Variants in SAMD4A observed in about 807,000 individuals in gnomAD.
The protein encoded by SAMD4A is sterile alpha motif domain containing 4A.
Under a neutral mutation model 81.3 loss-of-function variants are expected in SAMD4A, and 33 were observed. The ratio of observed to expected loss-of-function variants is 0.41; its 90% CI spans 0.31 to 0.54. The LOEUF (loss-of-function observed/expected upper bound fraction) is 0.54, where lower values mean the gene tolerates loss of function less well. Ranked by LOEUF, SAMD4A falls within the 20% of genes least tolerant of loss-of-function variation. The probability of loss-of-function intolerance (pLI) is 0.37; values close to 1 mark genes in which losing one functional copy is unlikely to be tolerated. For missense variants in SAMD4A, 854 were observed against 951.1 expected (o/e 0.90, Z 1.34); for synonymous variants, 389 against 382.1 (o/e 1.02, Z -0.21).
chr14:54,712,737 C>A (rs891117541), intron 3 of SAMD4A, among the ~76,000 whole-genome samples: 1 of 152,174 alleles, frequency 6.6e-6, no homozygotes, highest in African/African-American at 2.4e-5. Context: ...AAGCCAGAGA[C>A]CTCCATGGGC....
At chr14:54,601,358 T>C (rs1207074422) in intron 2 of SAMD4A, among the ~76,000 whole-genome samples, 3 of 152,184 alleles carry the variant, frequency 2.0e-5, no homozygotes, top group African/African-American at 7.2e-5. Context: ...TTTAAATCCA[T>C]TATGGAAGTA....
At chr14:54,736,930 TG>T in intron 3 of SAMD4A, 93 bp from the exon 4 acceptor site, 1 of 1,375,096 alleles carries the variant, frequency 7.3e-7, no homozygotes, top group Non-Finnish European at 1.0e-6. Flanking sequence ...AGACAGTTAG[TG>T]GTATCTCTCA....
At chr14:54,742,304 C>A (rs1048830677) in intron 4 of SAMD4A, among the ~76,000 whole-genome samples, 2 of 151,872 alleles carry the variant, frequency 1.3e-5, no homozygotes, top group African/African-American at 4.8e-5. Flanking sequence ...GCCATGGTGT[C>A]ATCTAAGGCA....
chr14:54,585,192 C>G (rs1012348612), intron 2 of SAMD4A, among the ~76,000 whole-genome samples: 1 of 152,154 alleles, frequency 6.6e-6, no homozygotes, highest in Non-Finnish European at 1.5e-5. Context: ...ATCATAAACT[C>G]TTTTATGACA....
intron 2 of SAMD4A, among the ~76,000 whole-genome samples, chr14:54,607,976 A>G (rs1425624222): frequency 6.7e-6 from 1 of 149,654 alleles, no homozygotes; most frequent in Non-Finnish European, 1.5e-5. Context: ...AGGTCACACC[A>G]GTACACTCCA....
chr14:54,626,327 A>C (rs1269944199), intron 2 of SAMD4A, among the ~76,000 whole-genome samples: 1 of 152,148 alleles, frequency 6.6e-6, no homozygotes, highest in Non-Finnish European at 1.5e-5. Context: ...CTAAATTGTC[A>C]ATTGAGATGG....
intron 6 of SAMD4A, among the ~76,000 whole-genome samples, chr14:54,752,129 C>G (rs1248728117): frequency 6.6e-6 from 1 of 152,204 alleles, no homozygotes. Flanking sequence ...CTCAAAAATG[C>G]TAAATGCTGA....
intron 7 of SAMD4A, among the ~76,000 whole-genome samples, chr14:54,763,047 G>A (rs1308640927): frequency 1.3e-5 from 2 of 151,680 alleles, no homozygotes; most frequent in Admixed American, 1.3e-4. Flanking sequence ...AGTAGAGACG[G>A]GGTTTCACCG....
At chr14:54,745,836 A>G (rs959076699) in intron 4 of SAMD4A, among the ~76,000 whole-genome samples, 5 of 152,162 alleles carry the variant, frequency 3.3e-5, no homozygotes, top group African/African-American at 1.2e-4. Flanking sequence ...CTTCAATCAC[A>G]TATCAGCTTC....
At chr14:54,713,210 A>C (rs1028098841) in intron 3 of SAMD4A, among the ~76,000 whole-genome samples, 8 of 152,198 alleles carry the variant, frequency 5.3e-5, no homozygotes, top group Admixed American at 5.2e-4. Context: ...ATTTCAAAAA[A>C]TTAAACCTTT....
chr14:54,723,990 T>TTGGATGGA lies in SAMD4A; in HGVS notation c.716-13021_716-13014dup, dbSNP rs1212264117. ...ACACCAGGCAGATGCTCAGCAAATA[T>TTGGATGGA]TGGATGGATGGATGGATGGAAGGAA... On this transcript the variant is annotated intron_variant, in intron 3 of 12. Transcript: ENST00000554335. 2.5e-4 allele frequency among the ~76,000 whole-genome samples: 22 copies of TTGGATGGA among 88,464 alleles called. 1 individual carries two copies. Among genetic ancestry groups the TTGGATGGA allele is most frequent in the South Asian group, 1.4e-3 (4 of 2,780 alleles). 58.0% of individuals were successfully genotyped at this position (88,464 alleles called of 152,430 possible).
chr14:54,616,705 G>T (rs2034500452), intron 2 of SAMD4A, among the ~76,000 whole-genome samples: 1 of 152,172 alleles, frequency 6.6e-6, no homozygotes, highest in African/African-American at 2.4e-5. Flanking sequence ...TGTTTCCATA[G>T]AATTAAACTT....
At position 54,760,430 on chromosome 14, in the gene SAMD4A, G is replaced by A; in HGVS notation, c.1446G>A (p.Glu482=). 7.0e-7 allele frequency: 1 copy of A among 1,433,272 alleles called. No homozygotes were observed. The highest frequency in any genetic ancestry group is 2.7e-5 in the East Asian group (1 of 36,850). 88.8% of individuals were successfully genotyped at this position (1,433,272 alleles called of 1,614,324 possible). ...QPHQLSSCDG[E]LAVAPLPEGD... ...ACCAGCTGAGCAGCTGCGATGGGGAGCTGGCCGTCGCCCCCCTGCCAGAGG... is the reference window on the plus strand; with the variant it reads ...ACCAGCTGAGCAGCTGCGATGGGGAACTGGCCGTCGCCCCCCTGCCAGAGG... Residue 482 remains glutamate (E), a synonymous_variant, in exon 7 of 13, where the codon GAG becomes GAA. Transcript: ENST00000554335.
At chr14:54,742,744 T>C (rs1231377489) in intron 4 of SAMD4A, among the ~76,000 whole-genome samples, 18 of 152,130 alleles carry the variant, frequency 1.2e-4, no homozygotes, top group Admixed American at 1.2e-3. Flanking sequence ...AGCACACAAA[T>C]GTAGAAGTCA....
At chr14:54,590,075 T>G (rs763088729) in intron 2 of SAMD4A, among the ~76,000 whole-genome samples, 1 of 152,242 alleles carries the variant, frequency 6.6e-6, no homozygotes, top group East Asian at 1.9e-4. Context: ...AAAAATAGTT[T>G]GTGGGATATA....
chr14:54,587,477 G>A lies in SAMD4A; in HGVS notation c.196+19365G>A, dbSNP rs191600366. On this transcript the variant is annotated intron_variant, in intron 2 of 12. Coordinates refer to ENST00000554335, the MANE Select transcript of SAMD4A (RefSeq NM_015589.6). ...TCCAGTACTATGTTGAATAGAAGTGGTGAAAGTGGGTATCCTCGTCATGTT... is the reference window on the plus strand; with the variant it reads ...TCCAGTACTATGTTGAATAGAAGTGATGAAAGTGGGTATCCTCGTCATGTT... Among the ~76,000 whole-genome samples the A allele has an allele frequency of 1.1e-4, 16 of 152,272 alleles. 1 individual carries two copies. The highest frequency in any genetic ancestry group is 2.2e-4 in the Non-Finnish European group (15 of 68,006).
chr14:54,687,761 G>C (rs1039074661), intron 2 of SAMD4A, among the ~76,000 whole-genome samples: 6 of 152,184 alleles, frequency 3.9e-5, no homozygotes, highest in African/African-American at 1.2e-4. Flanking sequence ...TATTGATTTG[G>C]GGGAATGGGA....
At chr14:54,588,831 T>C (rs2033697689) in intron 2 of SAMD4A, among the ~76,000 whole-genome samples, 1 of 152,172 alleles carries the variant, frequency 6.6e-6, no homozygotes, top group Non-Finnish European at 1.5e-5. Context: ...GTATATTTGA[T>C]GTTTGGAAGT....
At chr14:54,746,646 C>G (rs1488327549) in intron 4 of SAMD4A, among the ~76,000 whole-genome samples, 1 of 152,204 alleles carries the variant, frequency 6.6e-6, no homozygotes, top group Non-Finnish European at 1.5e-5. Context: ...ATGTTTATAA[C>G]ACGATTCAAT....
Sources: allele counts gnomAD v4.1 joint callset (sites outside exome capture counted in the v4.1 genomes callset), GRCh38; gene constraint gnomAD v4.1.1; transcripts MANE v1.5; gene names NCBI Gene and HGNC (gene_info 2026-07-23, HGNC 2026-07-21).